SGCZ: variants seen among roughly 807,000 people sequenced by gnomAD.
SGCZ encodes zeta-sarcoglycan.
In SGCZ, 40 loss-of-function variants were observed where a neutral mutation model predicts 41.3. That is an observed-to-expected ratio of 0.97 (90% CI 0.75 to 1.26). The LOEUF is 1.26. Ranked by LOEUF, SGCZ falls within the 50% of genes most tolerant of loss-of-function variation. The pLI is 0.00. For missense variants in SGCZ, 552 were observed against 369.8 expected (o/e 1.49, Z -4.04); for synonymous variants, 206 against 137.5 (o/e 1.50, Z -3.49).
intron 4 of SGCZ, among the ~76,000 whole-genome samples, chr8:14,200,246 A>G (rs1483625116): frequency 6.6e-6 from 1 of 152,234 alleles, no homozygotes; most frequent in Non-Finnish European, 1.5e-5. Context: ...GACTGTGTTC[A>G]TGGATTAAAA....
chr8:15,003,026 T>G (rs1292422575), intron 1 of SGCZ, among the ~76,000 whole-genome samples: 1 of 152,190 alleles, frequency 6.6e-6, no homozygotes, highest in African/African-American at 2.4e-5. Context: ...AACGTAACTT[T>G]GCTCCTCCTT....
At chr8:14,457,573 C>G (rs983335502) in intron 2 of SGCZ, among the ~76,000 whole-genome samples, 2 of 152,220 alleles carry the variant, frequency 1.3e-5, no homozygotes, top group South Asian at 4.1e-4. Context: ...TCAGTGGTCA[C>G]GCTCCTAGTC....
At chr8:15,025,263 C>G (rs1803413595) in intron 1 of SGCZ, among the ~76,000 whole-genome samples, 1 of 152,200 alleles carries the variant, frequency 6.6e-6, no homozygotes, top group Admixed American at 6.5e-5. Flanking sequence ...TGCTACAAAT[C>G]TCTCTCCATC....
chr8:14,297,671 A>C (rs1440837300), intron 3 of SGCZ, among the ~76,000 whole-genome samples: 2 of 152,062 alleles, frequency 1.3e-5, no homozygotes, highest in Admixed American at 1.3e-4. Flanking sequence ...TTCCTTGAAA[A>C]ATAAAAACTA....
chr8:14,722,420 T>A (rs1264773818), intron 1 of SGCZ, among the ~76,000 whole-genome samples: 2 of 152,084 alleles, frequency 1.3e-5, no homozygotes, highest in Non-Finnish European at 2.9e-5. Context: ...AATAAAATTT[T>A]AAAAATGTGG....
intron 3 of SGCZ, among the ~76,000 whole-genome samples, chr8:14,245,224 G>T (rs188965103): frequency 1.3e-5 from 2 of 152,108 alleles, no homozygotes; most frequent in African/African-American, 2.4e-5. Context: ...GATATTGACT[G>T]TGGGTTTGGT....
intron 1 of SGCZ, among the ~76,000 whole-genome samples, chr8:14,701,356 CT>C (rs1244754993): frequency 6.6e-6 from 1 of 151,900 alleles, no homozygotes; most frequent in East Asian, 1.9e-4. Context: ...TCTCTCTCCC[CT>C]GAGTGGTGAG....
At chr8:14,133,012 A>G (rs1310091699) in intron 5 of SGCZ, among the ~76,000 whole-genome samples, 1 of 152,226 alleles carries the variant, frequency 6.6e-6, no homozygotes, top group African/African-American at 2.4e-5. Context: ...AACAATAAAA[A>G]AAACAAGCAC....
At chr8:15,008,122 C>G (rs1452384918) in intron 1 of SGCZ, among the ~76,000 whole-genome samples, 1 of 152,130 alleles carries the variant, frequency 6.6e-6, no homozygotes. Flanking sequence ...AAATAATCTT[C>G]AAGAAGGATA....
chr8:14,704,914 A>G (rs1264272322), intron 1 of SGCZ, among the ~76,000 whole-genome samples: 1 of 152,020 alleles, frequency 6.6e-6, no homozygotes, highest in Non-Finnish European at 1.5e-5. Flanking sequence ...GAATCGATGC[A>G]ACTATCAGTC....
chr8:14,182,683 T>C (rs998571410), intron 4 of SGCZ, among the ~76,000 whole-genome samples: 8 of 152,162 alleles, frequency 5.3e-5, no homozygotes, highest in African/African-American at 1.4e-4. Flanking sequence ...AGATCAGTGA[T>C]GACAAAAGTA....
intron 3 of SGCZ, chr8:14,309,370 G>A (rs1801452155): frequency 6.2e-7 from 1 of 1,604,820 alleles, no homozygotes. Flanking sequence ...TAATTACATT[G>A]AACAGTCAGC....
intron 1 of SGCZ, among the ~76,000 whole-genome samples, chr8:14,785,617 C>A (rs2253544): frequency 6.6e-6 from 1 of 151,998 alleles, no homozygotes; most frequent in African/African-American, 2.4e-5. Context: ...TAACCAAAAG[C>A]TTGACAATGT....
intron 1 of SGCZ, among the ~76,000 whole-genome samples, chr8:14,837,952 C>T (rs76497791): frequency 0.083 from 12,571 of 151,762 alleles, 558 homozygotes; most frequent in Admixed American, 0.12. Context: ...TTAGTTATTT[C>T]GAATTATACA....
At chr8:14,487,038 C>A (rs1726833897) in intron 2 of SGCZ, among the ~76,000 whole-genome samples, 8 of 152,148 alleles carry the variant, frequency 5.3e-5, no homozygotes, top group Admixed American at 5.2e-4. Flanking sequence ...GTGACGTGTT[C>A]ACACTAGGAG....
intron 2 of SGCZ, among the ~76,000 whole-genome samples, chr8:14,526,585 C>A (rs1802957249): frequency 6.6e-6 from 1 of 151,994 alleles, no homozygotes; most frequent in African/African-American, 2.4e-5. Flanking sequence ...AAATTATTTA[C>A]CTTTGAACAA....
intron 1 of SGCZ, among the ~76,000 whole-genome samples, chr8:14,628,870 T>C (rs973361556): frequency 1.9e-4 from 29 of 152,252 alleles, no homozygotes; most frequent in African/African-American, 7.0e-4. Context: ...GGTGTGGTTC[T>C]CATAATTCCT....
chr8:14,433,031 T>C (rs1176247319), intron 2 of SGCZ, among the ~76,000 whole-genome samples: 1 of 151,170 alleles, frequency 6.6e-6, no homozygotes, highest in Non-Finnish European at 1.5e-5. Context: ...TTTCTCAAAC[T>C]TAAAAATGAA....
intron 1 of SGCZ, among the ~76,000 whole-genome samples, chr8:14,710,364 C>A (rs1269041063): frequency 1.3e-4 from 14 of 110,332 alleles, no homozygotes; most frequent in African/African-American, 5.3e-4. Flanking sequence ...AGCGAGACTC[C>A]GCATCAAAAA....
Sources: allele counts gnomAD v4.1 joint callset (sites outside exome capture counted in the v4.1 genomes callset), GRCh38; gene constraint gnomAD v4.1.1; transcripts MANE v1.5; gene names NCBI Gene and HGNC (gene_info 2026-07-23, HGNC 2026-07-21).